Variants in NAV3 observed in about 807,000 individuals in gnomAD.
NAV3 encodes the protein neuron navigator 3.
Under a neutral mutation model 244.7 loss-of-function variants are expected in NAV3, and 87 were observed. The observed-to-expected ratio is 0.36, with a 90% CI of 0.30 to 0.42. The LOEUF is 0.42. Among genes scored for constraint, NAV3 ranks in the 20% least tolerant of loss-of-function variants. NAV3 has a pLI of 1.00. For synonymous variants in NAV3, 1,126 were observed against 1,042.2 expected (o/e 1.08, Z -1.55); for missense variants, 2,663 against 2,893.3 (o/e 0.92, Z 1.83).
Position 77,928,512 on chromosome 12 carries a change from C to T in NAV3, c.244-11807C>T, listed in dbSNP as rs1203673745. 4.6e-5 allele frequency among the ~76,000 whole-genome samples: 7 copies of T among 152,034 alleles called. No homozygotes were observed. The East Asian group carries it at 7.8e-4, about 17-fold the overall frequency. ...ACCCCCTCCCTCCCTTCCTCATTAA[C>T]GAAAAACTTATGTGCCTTATCCTTG... On this transcript the variant is annotated intron_variant, in intron 1 of 39. Coordinates refer to ENST00000397909, the MANE Select transcript of NAV3 (RefSeq NM_001024383.2).
intron 2 of NAV3, among the ~76,000 whole-genome samples, chr12:77,708,004 A>G (rs1875913158): frequency 1.3e-5 from 2 of 152,110 alleles, no homozygotes; most frequent in Admixed American, 1.3e-4. Flanking sequence ...CCCATTCTGT[A>G]GGTTGCCTGT....
intron 12 of NAV3, among the ~76,000 whole-genome samples, chr12:78,094,537 G>A (rs531107875): frequency 2.0e-4 from 31 of 152,288 alleles, no homozygotes; most frequent in Middle Eastern, 6.8e-3. Context: ...AGACTGTCAT[G>A]TCAACCAAGA....
intron 12 of NAV3, among the ~76,000 whole-genome samples, chr12:78,079,412 G>A (rs1034962652): frequency 1.4e-4 from 21 of 151,962 alleles, no homozygotes; most frequent in South Asian, 2.1e-4. Context: ...CTATTGATGC[G>A]TTCATTATTT....
intron 8 of NAV3, among the ~76,000 whole-genome samples, chr12:78,018,372 G>A (rs1249245162): frequency 1.3e-5 from 2 of 152,200 alleles, no homozygotes; most frequent in South Asian, 2.1e-4. Flanking sequence ...TATTGAGGAA[G>A]ATAGCTGTAA....
intron 22 of NAV3, among the ~76,000 whole-genome samples, chr12:78,151,043 TC>T (rs762081084): frequency 8.7e-5 from 13 of 149,800 alleles, no homozygotes; most frequent in South Asian, 8.4e-4. Context: ...CTATAGTGTT[TC>T]CCTAGGGGAA....
chr12:77,922,571 C>T (rs1887816284), intron 1 of NAV3, among the ~76,000 whole-genome samples: 1 of 152,132 alleles, frequency 6.6e-6, no homozygotes, highest in South Asian at 2.1e-4. Flanking sequence ...GTGCCTTGCC[C>T]TTTCAGACCA....
intron 2 of NAV3, among the ~76,000 whole-genome samples, chr12:77,667,257 C>A (rs1310038598): frequency 6.6e-6 from 1 of 152,102 alleles, no homozygotes; most frequent in Non-Finnish European, 1.5e-5. Context: ...GCGAGAGAAT[C>A]CACAGACCCT....
At chr12:78,050,611 T>G (rs1345846197) in intron 10 of NAV3, among the ~76,000 whole-genome samples, 153 bp from the exon 11 acceptor site, 1 of 152,132 alleles carries the variant, frequency 6.6e-6, no homozygotes, top group African/African-American at 2.4e-5. Flanking sequence ...CTTTCCACAA[T>G]TTGACCTCAA....
At chr12:78,140,053 C>T (rs1033083009) in intron 19 of NAV3, among the ~76,000 whole-genome samples, 1 of 152,190 alleles carries the variant, frequency 6.6e-6, no homozygotes, top group Non-Finnish European at 1.5e-5. Context: ...TTGTAGGCTT[C>T]TGTCTAATAA....
At chr12:77,715,383 C>G (rs1199847185) in intron 2 of NAV3, among the ~76,000 whole-genome samples, 1 of 151,030 alleles carries the variant, frequency 6.6e-6, no homozygotes, top group Non-Finnish European at 1.5e-5. Context: ...TTATATCTCT[C>G]TTATTTGCAT....
chr12:77,906,544 A>G (rs947766310), intron 1 of NAV3, among the ~76,000 whole-genome samples: 14 of 152,180 alleles, frequency 9.2e-5, no homozygotes, highest in South Asian at 4.2e-4. Context: ...ATTGGTGGCA[A>G]TGGACTAGGT....
At chr12:77,810,434 G>A (rs1390054538) in intron 2 of NAV3, among the ~76,000 whole-genome samples, 1 of 152,160 alleles carries the variant, frequency 6.6e-6, no homozygotes, top group Non-Finnish European at 1.5e-5. Flanking sequence ...GCCTCCCAAA[G>A]TGCTGGGATT....
chr12:77,616,172 C>A (rs1404160037), intron 2 of NAV3, among the ~76,000 whole-genome samples: 2 of 151,996 alleles, frequency 1.3e-5, no homozygotes, highest in Non-Finnish European at 2.9e-5. Context: ...CTTTGGAGGC[C>A]AAGGTGGGTA....
At chr12:78,125,423 G>C (rs528352511) in intron 16 of NAV3, among the ~76,000 whole-genome samples, 1 of 152,092 alleles carries the variant, frequency 6.6e-6, no homozygotes, top group South Asian at 2.1e-4. Context: ...TTCTGCAGCT[G>C]CTCTAGGTCA....
intron 2 of NAV3, among the ~76,000 whole-genome samples, chr12:77,647,752 C>T (rs1872665187): frequency 6.6e-6 from 1 of 151,880 alleles, no homozygotes; most frequent in African/African-American, 2.4e-5. Flanking sequence ...CATTTTTTCC[C>T]ATTGACACTA....
rs188888883 is a variant in NAV3, at chr12:77,755,810, T to C, written c.72+183544T>C. On this transcript the variant is annotated intron_variant, in intron 2 of 8. Coordinates refer to the NAV3 transcript ENST00000550042. ...GTGCAGTGGCGTGAACACAGCTCACTGCAGCCTCAACCTGACAGGCTCAAG... is the reference window on the plus strand; with the variant it reads ...GTGCAGTGGCGTGAACACAGCTCACCGCAGCCTCAACCTGACAGGCTCAAG... 2.1e-3 allele frequency among the ~76,000 whole-genome samples: 313 copies of C among 151,720 alleles called. 2 individuals are homozygous for C. Among genetic ancestry groups the C allele is most frequent in the African/African-American group, 7.4e-3 (304 of 41,270 alleles).
chr12:78,078,316 G>T (rs1365881207), intron 12 of NAV3, among the ~76,000 whole-genome samples: 1 of 139,710 alleles, frequency 7.2e-6, no homozygotes. Context: ...CTCTACATCA[G>T]ACCTAATTTC....
intron 1 of NAV3, among the ~76,000 whole-genome samples, chr12:77,891,749 G>C (rs915245517): frequency 6.6e-6 from 1 of 152,150 alleles, no homozygotes; most frequent in Non-Finnish European, 1.5e-5. Flanking sequence ...CTGCAGAGAC[G>C]GCTTTAAAGT....
intron 2 of NAV3, among the ~76,000 whole-genome samples, chr12:77,682,591 G>A (rs1453857718): frequency 6.6e-6 from 1 of 152,086 alleles, no homozygotes; most frequent in Admixed American, 6.5e-5. Flanking sequence ...TGTTTCCATA[G>A]AGGCTGTACT....
Sources: allele counts gnomAD v4.1 joint callset (sites outside exome capture counted in the v4.1 genomes callset), GRCh38; gene constraint gnomAD v4.1.1; transcripts MANE v1.5; gene names NCBI Gene and HGNC (gene_info 2026-07-23, HGNC 2026-07-21).